Variants in SVOPL observed in about 807,000 individuals in gnomAD.
SVOPL encodes the protein putative transporter SVOPL.
Under a neutral mutation model 61.0 loss-of-function variants are expected in SVOPL, and 60 were observed. The observed-to-expected ratio is 0.98, with a 90% CI of 0.80 to 1.22. The LOEUF (loss-of-function observed/expected upper bound fraction) is 1.22, where lower values mean the gene tolerates loss of function less well. SVOPL is among the 50% of genes most tolerant of loss of function. The pLI, the probability that SVOPL is intolerant of heterozygous loss-of-function variation, is 0.00. For synonymous variants in SVOPL, 279 were observed against 250.0 expected (o/e 1.12, Z -1.09); for missense variants, 662 against 643.9 (o/e 1.03, Z -0.30).
At chr7:138,671,225 A>G (rs891628582) in intron 4 of SVOPL, among the ~76,000 whole-genome samples, 4 of 151,942 alleles carry the variant, frequency 2.6e-5, no homozygotes, top group African/African-American at 9.7e-5. Context: ...CCCCTTTCTC[A>G]CTATTTAAAC....
chr7:138,674,113 G>C (rs565107884), intron 3 of SVOPL, among the ~76,000 whole-genome samples: 1 of 151,362 alleles, frequency 6.6e-6, no homozygotes, highest in African/African-American at 2.4e-5. Flanking sequence ...GCTTGAACCT[G>C]GGAGGTAGAG....
At chr7:138,632,837 A>G (rs79817363) in intron 9 of SVOPL, among the ~76,000 whole-genome samples, 4,384 of 152,278 alleles carry the variant, frequency 0.029, 226 homozygotes, top group African/African-American at 0.1. Flanking sequence ...CACAAAGCAC[A>G]TGCCAAAAAC....
intron 14 of SVOPL, among the ~76,000 whole-genome samples, chr7:138,602,479 A>ATATATATAT (rs1189679178): frequency 3.3e-5 from 5 of 150,016 alleles, no homozygotes; most frequent in African/African-American, 9.8e-5. Context: ...ATATATATGT[A>ATATATATAT]GATGTGTGTG....
intron 1 of SVOPL, among the ~76,000 whole-genome samples, chr7:138,681,815 T>C (rs1341877489): frequency 2.0e-5 from 3 of 152,040 alleles, no homozygotes; most frequent in Admixed American, 2.0e-4. Context: ...AGAGTGAGAC[T>C]CCATCTCAAA....
chr7:138,601,023 G>A lies in SVOPL; in HGVS notation c.1354-4493C>T, dbSNP rs377226461. On this transcript the variant is annotated intron_variant, in intron 14 of 15. Transcript: ENST00000674285. Reference sequence around the variant, plus strand: ...TCCCAGCACTTTGGGAGGCTGAGGCGGGTGGATCACAAGGTCAGGAGATCG... The same window carrying A: ...TCCCAGCACTTTGGGAGGCTGAGGCAGGTGGATCACAAGGTCAGGAGATCG... 1.8e-4 allele frequency among the ~76,000 whole-genome samples: 27 copies of A among 151,850 alleles called. 1 individual carries two copies. The highest frequency in any genetic ancestry group is 3.4e-3 in the Middle Eastern group (1 of 292).
chr7:138,654,018 AGGTACTTG>A (rs1330971231), intron 7 of SVOPL, among the ~76,000 whole-genome samples: 1 of 151,830 alleles, frequency 6.6e-6, no homozygotes, highest in Non-Finnish European at 1.5e-5. Context: ...CTGTAATCTC[AGGTACTTG>A]GGAGGCTGAG....
At chr7:138,691,480 A>G (rs1034852607) in intron 1 of SVOPL, among the ~76,000 whole-genome samples, 7 of 152,208 alleles carry the variant, frequency 4.6e-5, no homozygotes, top group African/African-American at 1.7e-4. Context: ...TCTACATTGA[A>G]CAGCAAGAAA....
At chr7:138,599,141 C>CAAAAAAAAAAAAAAAAAAAAAA (rs71520007) in intron 14 of SVOPL, among the ~76,000 whole-genome samples, 1 of 28,146 alleles carries the variant, frequency 3.6e-5, no homozygotes, top group African/African-American at 3.3e-4. Flanking sequence ...GATCCGTCTC[C>CAAAAAAAAAAAAAAAAAAAAAA]AAAAAAAAAA....
At chr7:138,625,750 A>C (rs1470417482) in intron 13 of SVOPL, among the ~76,000 whole-genome samples, 1 of 152,214 alleles carries the variant, frequency 6.6e-6, no homozygotes, top group Non-Finnish European at 1.5e-5. Flanking sequence ...TGCTATTTAA[A>C]GAAAGGAAAA....
intron 1 of SVOPL, among the ~76,000 whole-genome samples, chr7:138,693,073 A>G (rs1169647416): frequency 6.6e-6 from 1 of 152,226 alleles, no homozygotes; most frequent in African/African-American, 2.4e-5. Flanking sequence ...GGAGAATAGC[A>G]CAAAGGAAGG....
At chr7:138,659,114 T>TA (rs1801884592) in intron 6 of SVOPL, among the ~76,000 whole-genome samples, 2 of 152,190 alleles carry the variant, frequency 1.3e-5, no homozygotes, top group Admixed American at 1.3e-4. Flanking sequence ...ATTTGCATGA[T>TA]AAAACCTTGG....
intron 14 of SVOPL, among the ~76,000 whole-genome samples, chr7:138,612,405 T>TAAAAAAAAAAAAAAAAA (rs1158818070): frequency 2.1e-4 from 2 of 9,332 alleles, no homozygotes; most frequent in Non-Finnish European, 4.0e-4. Context: ...AAAAATAAAT[T>TAAAAAAAAAAAAAAAAA]AAAAAAAAAA....
At chr7:138,642,546 G>A (rs1165240449) in intron 9 of SVOPL, among the ~76,000 whole-genome samples, 1 of 151,760 alleles carries the variant, frequency 6.6e-6, no homozygotes, top group Admixed American at 6.6e-5. Flanking sequence ...TATAACCAAG[G>A]CTGGGCACGG....
At chr7:138,620,164 A>C (rs1584789830) in intron 14 of SVOPL, among the ~76,000 whole-genome samples, 1 of 117,756 alleles carries the variant, frequency 8.5e-6, no homozygotes, top group Non-Finnish European at 1.6e-5. Context: ...ACTCTCGCCC[A>C]GCCTAGAGTG....
intron 1 of SVOPL, among the ~76,000 whole-genome samples, chr7:138,700,849 T>C (rs1803180923): frequency 6.6e-6 from 1 of 152,196 alleles, no homozygotes; most frequent in Admixed American, 6.5e-5. Flanking sequence ...TCACAAAACC[T>C]GGTGAGAAAC....
chr7:138,688,274 G>GT (rs1213711939), intron 1 of SVOPL, among the ~76,000 whole-genome samples: 3 of 148,188 alleles, frequency 2.0e-5, no homozygotes, highest in East Asian at 4.1e-4. Context: ...AAAATTTTGG[G>GT]GTTTTTTTTT....
intron 3 of SVOPL, among the ~76,000 whole-genome samples, chr7:138,674,030 C>CA (rs1180920145): frequency 2.0e-5 from 3 of 152,044 alleles, no homozygotes; most frequent in Non-Finnish European, 4.4e-5. Flanking sequence ...ACTAAAAATA[C>CA]AAAATAAATT....
rs907790200 is a variant in SVOPL at position 138,659,888 on chromosome 7, C to G, written c.446G>C (p.Cys149Ser). Residue 149 changes from cysteine (C) to serine (S), a missense_variant, in exon 6 of 16, where the codon TGT becomes TCT. Coordinates refer to ENST00000674285, the MANE Select transcript of SVOPL (RefSeq NM_001139456.2). ...WFVFLRTMVG[C>S]GVSGHSQGLI... is the part of the protein sequence containing the mutation. ...CCCTTGCGAGTGGCCGGACACACCACAGCCCACCATCGTCCGCAGGAAGAC... is the reference window on the plus strand; with the variant it reads ...CCCTTGCGAGTGGCCGGACACACCAGAGCCCACCATCGTCCGCAGGAAGAC... 3 of 1,551,374 alleles carry G rather than the reference C, an allele frequency of 1.9e-6. No homozygotes were observed. The African/African-American group carries it at 4.1e-5, about 21-fold the overall frequency.
At chr7:138,692,430 C>A (rs1476312975) in intron 1 of SVOPL, among the ~76,000 whole-genome samples, 1 of 152,026 alleles carries the variant, frequency 6.6e-6, no homozygotes, top group Non-Finnish European at 1.5e-5. Context: ...AACATTGGGC[C>A]AAACACATAT....
Sources: allele counts gnomAD v4.1 joint callset (sites outside exome capture counted in the v4.1 genomes callset), GRCh38; gene constraint gnomAD v4.1.1; transcripts MANE v1.5; gene names NCBI Gene and HGNC (gene_info 2026-07-23, HGNC 2026-07-21).